Variants in ST18 observed in about 807,000 individuals in gnomAD.
ST18 encodes suppression of tumorigenicity 18 protein.
A neutral mutation model predicts 110.0 loss-of-function variants in ST18; 50 were observed. That is an observed-to-expected ratio of 0.45 (90% confidence interval 0.36 to 0.58). The LOEUF is 0.58. Among genes scored for constraint, ST18 ranks in the 20% least tolerant of loss-of-function variants. The pLI, the probability that ST18 is intolerant of heterozygous loss-of-function variation, is 0.00. For missense variants in ST18, 1,306 were observed against 1,280.1 expected, an observed-to-expected ratio of 1.02 and a Z score of -0.31; for synonymous variants, 461 against 452.4, an observed-to-expected ratio of 1.02 and a Z score of -0.24.
At chr8:52,361,747 A>T (rs1391828331) in intron 2 of ST18, among the ~76,000 whole-genome samples, 1 of 152,186 alleles carries the variant, frequency 6.6e-6, no homozygotes, top group Non-Finnish European at 1.5e-5. Context: ...ATCTCTAAGA[A>T]CAAATGTTTT....
At chr8:52,308,270 C>A (rs1431253450) in intron 2 of ST18, among the ~76,000 whole-genome samples, 1 of 152,202 alleles carries the variant, frequency 6.6e-6, no homozygotes, top group Non-Finnish European at 1.5e-5. Flanking sequence ...AGAGCTATGC[C>A]ACTCTCACTA....
chr8:52,264,395 T>C (rs941515850), intron 2 of ST18, among the ~76,000 whole-genome samples: 1 of 152,196 alleles, frequency 6.6e-6, no homozygotes, highest in African/African-American at 2.4e-5. Context: ...CTCTAAGATT[T>C]TTTTGGAATT....
chr8:52,315,960 A>C (rs1177858175), intron 2 of ST18, among the ~76,000 whole-genome samples: 3 of 152,226 alleles, frequency 2.0e-5, no homozygotes, highest in Non-Finnish European at 2.9e-5. Flanking sequence ...TCACTATGAG[A>C]AGTCTAATGT....
chr8:52,259,489 A>T (rs1045389072), intron 2 of ST18, among the ~76,000 whole-genome samples: 5 of 152,202 alleles, frequency 3.3e-5, no homozygotes, highest in African/African-American at 4.8e-5. Flanking sequence ...AATAAGATGT[A>T]TCAAAGTAAA....
At chr8:52,205,614 C>T (rs892481668) in intron 8 of ST18, among the ~76,000 whole-genome samples, 1 of 152,090 alleles carries the variant, frequency 6.6e-6, no homozygotes, top group African/African-American at 2.4e-5. Flanking sequence ...GCCCAGGCTG[C>T]TGGAGTGCAG....
intron 22 of ST18, among the ~76,000 whole-genome samples, chr8:52,127,094 A>G (rs1418499467): frequency 6.6e-6 from 1 of 152,196 alleles, no homozygotes; most frequent in Non-Finnish European, 1.5e-5. Flanking sequence ...CTCATCTGTA[A>G]AGAAATCATT....
At chr8:52,122,233 T>A (rs1171101243) in intron 23 of ST18, among the ~76,000 whole-genome samples, 1 of 152,162 alleles carries the variant, frequency 6.6e-6, no homozygotes, top group East Asian at 1.9e-4. Flanking sequence ...TTCTTTTCAT[T>A]TAATAATTCT....
intron 2 of ST18, among the ~76,000 whole-genome samples, chr8:52,311,408 C>T (rs541213977): frequency 6.6e-6 from 1 of 152,282 alleles, no homozygotes; most frequent in African/African-American, 2.4e-5. Flanking sequence ...CCATACTGGA[C>T]CCTCACTTCC....
At chr8:52,306,015 C>T (rs1012447238) in intron 2 of ST18, among the ~76,000 whole-genome samples, 6 of 152,226 alleles carry the variant, frequency 3.9e-5, no homozygotes, top group African/African-American at 1.4e-4. Context: ...CCCAGTGGCT[C>T]TCTGTGGCCT....
chr8:52,129,168 C>A (rs981956387), intron 22 of ST18, among the ~76,000 whole-genome samples: 1 of 151,984 alleles, frequency 6.6e-6, no homozygotes, highest in Non-Finnish European at 1.5e-5. Flanking sequence ...CATATTATTC[C>A]ATTAAATTCT....
intron 2 of ST18, among the ~76,000 whole-genome samples, chr8:52,245,439 T>C (rs899658866): frequency 3.9e-5 from 6 of 152,082 alleles, no homozygotes; most frequent in African/African-American, 1.4e-4. Flanking sequence ...ATGACACATC[T>C]GAAAAAAAGG....
intron 2 of ST18, among the ~76,000 whole-genome samples, chr8:52,330,038 C>A (rs1188917797): frequency 6.6e-6 from 1 of 152,062 alleles, no homozygotes; most frequent in Non-Finnish European, 1.5e-5. Flanking sequence ...TGCTAGAGCC[C>A]AGAATATCTC....
chr8:52,135,344 T>G (rs1454904021), intron 19 of ST18, among the ~76,000 whole-genome samples: 3 of 151,656 alleles, frequency 2.0e-5, no homozygotes, highest in African/African-American at 7.3e-5. Context: ...GCAGATCACC[T>G]GGGGTCAGGA....
At chr8:52,217,075 T>C (rs2084567367) in intron 6 of ST18, among the ~76,000 whole-genome samples, 1 of 152,226 alleles carries the variant, frequency 6.6e-6, no homozygotes, top group South Asian at 2.1e-4. Flanking sequence ...GAAGACTTGA[T>C]CGTCTTTACT....
At chr8:52,130,115 AAAGAAAAGAAAGAAAG>A (rs1404323593) in intron 22 of ST18, among the ~76,000 whole-genome samples, 2 of 88,298 alleles carry the variant, frequency 2.3e-5, no homozygotes, top group African/African-American at 5.1e-5. Flanking sequence ...AGAAAGAAAG[AAAGAAAAGAAAGAAAG>A]AAAGAAAGAA....
Position 52,137,521 on chromosome 8 carries a change from A to G in ST18, c.2169-38T>C, listed in dbSNP as rs923589932. ...AAAATACATCATTAGAGTCAAGCGC[A>G]TTTCCCAGGTTCATTTCCTCTGCCC... On this transcript the variant is annotated intron_variant, in intron 17 of 25. Coordinates refer to ENST00000689386, the MANE Select transcript of ST18 (RefSeq NM_001352837.2). 6 of 1,607,540 alleles carry G rather than the reference A, an allele frequency of 3.7e-6. No homozygotes were observed. In the African/African-American group the frequency reaches 8.0e-5, roughly 21 times the overall value.
At chr8:52,379,501 G>T (rs770362882) in intron 2 of ST18, among the ~76,000 whole-genome samples, 1 of 151,852 alleles carries the variant, frequency 6.6e-6, no homozygotes, top group Admixed American at 6.6e-5. Context: ...GAACTCCAAA[G>T]GTCCACATAT....
chr8:52,155,265 A>G (rs1288371972), intron 15 of ST18, among the ~76,000 whole-genome samples: 1 of 152,158 alleles, frequency 6.6e-6, no homozygotes, highest in African/African-American at 2.4e-5. Context: ...ACCTTTAACC[A>G]TTATGTCATC....
rs912865337 is a variant in ST18 at position 52,191,492 on chromosome 8, C to A, written c.87-11180G>T. Among the ~76,000 whole-genome samples the A allele has an allele frequency of 2.0e-5, 3 of 152,172 alleles. No homozygotes were observed. In the East Asian group the frequency reaches 5.8e-4, roughly 29 times the overall value. On this transcript the variant is annotated intron_variant, in intron 8 of 25. Coordinates refer to ENST00000689386, the MANE Select transcript of ST18 (RefSeq NM_001352837.2). Reference sequence around the variant, plus strand: ...GGAACAAGCAAGCCATATGAGCAGGCAGCCCAGACCTGTGACATCCACCAC... The same window carrying A: ...GGAACAAGCAAGCCATATGAGCAGGAAGCCCAGACCTGTGACATCCACCAC...
Sources: allele counts gnomAD v4.1 joint callset (sites outside exome capture counted in the v4.1 genomes callset), GRCh38; gene constraint gnomAD v4.1.1; transcripts MANE v1.5; gene names NCBI Gene and HGNC (gene_info 2026-07-23, HGNC 2026-07-21).